Variants in ZNF487 observed in about 807,000 individuals in gnomAD.
ZNF487 encodes the protein KRAB domain only 1.
Under a neutral mutation model 3.0 loss-of-function variants are expected in ZNF487, and 4 were observed. The observed-to-expected ratio is 1.35, with a 90% CI of 0.66 to 3.08. ZNF487 has a LOEUF of 3.08. ZNF487 is among the 30% of genes most tolerant of loss of function. The probability of loss-of-function intolerance (pLI) is 0.01; values close to 1 mark genes in which losing one functional copy is unlikely to be tolerated. For missense variants in ZNF487, 146 were observed against 98.7 expected (o/e 1.48, Z -2.03); for synonymous variants, 55 against 34.6 (o/e 1.59, Z -2.06).
At chr10:43,478,178 G>C (rs980886087) in intron 3 of ZNF487, among the ~76,000 whole-genome samples, 1 of 152,082 alleles carries the variant, frequency 6.6e-6, no homozygotes, top group Non-Finnish European at 1.5e-5. Context: ...CCAGCACTTC[G>C]GGAGACCAAC....
At chr10:43,439,174 C>T (rs11238542) in intron 1 of ZNF487, among the ~76,000 whole-genome samples, 1 of 151,672 alleles carries the variant, frequency 6.6e-6, no homozygotes, top group Non-Finnish European at 1.5e-5. Flanking sequence ...TCCGGGAGGC[C>T]GAGGTTGCAG....
intron 1 of ZNF487, among the ~76,000 whole-genome samples, chr10:43,459,590 A>T (rs1840344545): frequency 6.6e-6 from 1 of 151,934 alleles, no homozygotes; most frequent in Non-Finnish European, 1.5e-5. Context: ...AAAAATTTTT[A>T]AGTCAGGTCT....
At chr10:43,521,353 A>G in the ZNF487 span, among the ~76,000 whole-genome samples, 1 of 152,206 alleles carries the variant, frequency 6.6e-6, no homozygotes, top group Non-Finnish European at 1.5e-5. Context: ...TAACACACAT[A>G]TATTCTCCAC....
At chr10:43,451,184 G>A (rs1839995820) in intron 1 of ZNF487, among the ~76,000 whole-genome samples, 1 of 151,710 alleles carries the variant, frequency 6.6e-6, no homozygotes. Context: ...GACCTCAGGT[G>A]ATACGCTTGC....
downstream of ZNF487, among the ~76,000 whole-genome samples, chr10:43,485,743 A>G (rs1249235575): frequency 2.0e-5 from 3 of 152,248 alleles, no homozygotes; most frequent in Non-Finnish European, 4.4e-5. Context: ...TTAAGTGCTT[A>G]GTTGCCACAT....
At chr10:43,464,845 C>T (rs955774067) in intron 1 of ZNF487, among the ~76,000 whole-genome samples, 18 of 152,324 alleles carry the variant, frequency 1.2e-4, no homozygotes, top group African/African-American at 3.8e-4. Context: ...TCCACAAAAC[C>T]GCCATCGTCA....
chr10:43,475,159 C>T (rs1019167335), intron 1 of ZNF487, among the ~76,000 whole-genome samples: 9 of 152,138 alleles, frequency 5.9e-5, no homozygotes, highest in Non-Finnish European at 1.2e-4. Flanking sequence ...TGGAGATTCT[C>T]CGGGGACCCT....
chr10:43,517,334 T>G, the ZNF487 span, among the ~76,000 whole-genome samples: 2 of 152,240 alleles, frequency 1.3e-5, no homozygotes, highest in Non-Finnish European at 2.9e-5. Context: ...GACATATTCC[T>G]CATTTACAAG....
At chr10:43,486,565 G>C (rs1051219483), downstream of ZNF487, among the ~76,000 whole-genome samples, 22 of 151,448 alleles carry the variant, frequency 1.5e-4, no homozygotes, top group Admixed American at 1.3e-3. Flanking sequence ...AGGAAGGAAA[G>C]CAAAGAAATG....
At chr10:43,456,532 G>C (rs995137997) in intron 1 of ZNF487, among the ~76,000 whole-genome samples, 2 of 152,182 alleles carry the variant, frequency 1.3e-5, no homozygotes, top group Non-Finnish European at 2.9e-5. Flanking sequence ...TTTCAGGGTT[G>C]AGAGAACCTG....
At chr10:43,485,311 G>A (rs1274152929), downstream of ZNF487, among the ~76,000 whole-genome samples, 3 of 152,206 alleles carry the variant, frequency 2.0e-5, no homozygotes, top group Non-Finnish European at 4.4e-5. Context: ...ACATAGGTAA[G>A]TACAAGTTTT....
At chr10:43,453,751 C>T (rs981199647) in intron 1 of ZNF487, 6 of 146,770 alleles carry the variant, frequency 4.1e-5, no homozygotes, top group African/African-American at 1.5e-4. Flanking sequence ...GACTGAAGAG[C>T]TAGCAGCCTG....
rs766451125 is a variant in ZNF487, at chr10:43,475,801, G to A, written c.-13G>A. The stretch of plus-strand genomic sequence containing the variant: ...ATCTGGACTCTGCTCAGAGGACCCC[G>A]TACAGAGACATGATGCTGGAGAACT... On this transcript the variant is annotated 5_prime_UTR_variant, in exon 2 of 4. Coordinates refer to ENST00000437590, the MANE Select transcript of ZNF487 (RefSeq NM_001355444.3). 15 of 780,492 alleles carry A rather than the reference G, an allele frequency of 1.9e-5. No homozygotes were observed. Among genetic ancestry groups the A allele is most frequent in the African/African-American group, 8.5e-5 (5 of 59,112 alleles). 48.3% of individuals were successfully genotyped at this position (780,492 alleles called of 1,614,324 possible).
intron 1 of ZNF487, among the ~76,000 whole-genome samples, chr10:43,466,438 T>C (rs1456476294): frequency 6.6e-6 from 1 of 151,406 alleles, no homozygotes; most frequent in Non-Finnish European, 1.5e-5. Context: ...AGTCTTGCTT[T>C]GTCACCCAGG....
At chr10:43,447,748 T>C (rs1839864137) in intron 1 of ZNF487, among the ~76,000 whole-genome samples, 1 of 152,164 alleles carries the variant, frequency 6.6e-6, no homozygotes, top group Non-Finnish European at 1.5e-5. Flanking sequence ...TCCATGCAGC[T>C]CTTTCTTCTC....
chr10:43,462,558 C>A (rs903400819), intron 1 of ZNF487, among the ~76,000 whole-genome samples: 2 of 146,218 alleles, frequency 1.4e-5, no homozygotes, highest in African/African-American at 5.1e-5. Flanking sequence ...TGGGTTCAAG[C>A]GACTCTTCTG....
intron 1 of ZNF487, among the ~76,000 whole-genome samples, chr10:43,460,871 T>G (rs1272865769): frequency 6.6e-6 from 1 of 152,008 alleles, no homozygotes; most frequent in East Asian, 1.9e-4. Flanking sequence ...TTTTGTATTT[T>G]TAGAGAGACA....
intron 1 of ZNF487, among the ~76,000 whole-genome samples, chr10:43,439,980 ATG>A (rs1482322892): frequency 2.0e-5 from 3 of 152,054 alleles, no homozygotes; most frequent in African/African-American, 7.2e-5. Context: ...TTTCACAACA[ATG>A]TGAATCTACT....
chr10:43,471,646 C>T (rs984226579), intron 1 of ZNF487, among the ~76,000 whole-genome samples: 4 of 152,256 alleles, frequency 2.6e-5, no homozygotes, highest in East Asian at 1.9e-4. Context: ...GGAAAGGGGA[C>T]GGGAAGGGCA....
Sources: gnomAD v4.1 joint callset for allele counts (sites outside exome capture counted in the v4.1 genomes callset) on GRCh38, gnomAD v4.1.1 for gene constraint, MANE v1.5 for transcripts, NCBI Gene and HGNC (gene_info 2026-07-23, HGNC 2026-07-21) for gene names.